TEX9: variants seen among roughly 807,000 people sequenced by gnomAD.
TEX9 encodes the protein testis expressed 9, also known as testis-expressed protein 9.
TEX9 carries 74 observed loss-of-function variants against 59.6 expected under a neutral mutation model. The ratio of observed to expected loss-of-function variants is 1.24; its 90% CI spans 1.03 to 1.51. The LOEUF (loss-of-function observed/expected upper bound fraction) is 1.51, where lower values mean the gene tolerates loss of function less well. Ranked by LOEUF, TEX9 falls within the 40% of genes most tolerant of loss-of-function variation. The pLI, the probability that TEX9 is intolerant of heterozygous loss-of-function variation, is 0.00. For synonymous variants in TEX9, 186 were observed against 152.2 expected, an observed-to-expected ratio of 1.22 and a Z score of -1.64; for missense variants, 522 against 447.8, an observed-to-expected ratio of 1.17 and a Z score of -1.49.
At chr15:56,392,859 T>G (rs576289798) in intron 7 of TEX9, among the ~76,000 whole-genome samples, 61 of 152,306 alleles carry the variant, frequency 4.0e-4, no homozygotes, top group Admixed American at 3.9e-3. Context: ...ATGGCCCTGT[T>G]AGAACTTTGC....
chr15:56,427,094 A>C (rs2050322792), intron 10 of TEX9, among the ~76,000 whole-genome samples: 1 of 152,098 alleles, frequency 6.6e-6, no homozygotes, highest in Non-Finnish European at 1.5e-5. Context: ...CTGACTCCTC[A>C]GTCCAATAAG....
At chr15:56,261,846 C>T (rs1307725374) in intron 1 of TEX9, among the ~76,000 whole-genome samples, 7 of 152,182 alleles carry the variant, frequency 4.6e-5, no homozygotes, top group Non-Finnish European at 7.3e-5. Context: ...CTGAGATAGC[C>T]GACCCAAGGA....
chr15:56,255,084 T>A (rs1198739918), intron 1 of TEX9, among the ~76,000 whole-genome samples: 1 of 152,100 alleles, frequency 6.6e-6, no homozygotes, highest in African/African-American at 2.4e-5. Context: ...AAAATTAAAA[T>A]CTAGATTAGA....
chr15:56,318,161 T>C (rs961107949), intron 1 of TEX9, among the ~76,000 whole-genome samples: 6 of 152,152 alleles, frequency 3.9e-5, no homozygotes, highest in Admixed American at 1.3e-4. Flanking sequence ...GCTCTGTTGT[T>C]AGGTGCATAT....
At chr15:56,453,800 T>C in the TEX9 span, among the ~76,000 whole-genome samples, 2 of 152,288 alleles carry the variant, frequency 1.3e-5, no homozygotes, top group East Asian at 3.9e-4. Context: ...CCAAAATCAA[T>C]TAACAGGAGT....
intron 1 of TEX9, among the ~76,000 whole-genome samples, chr15:56,310,528 G>T (rs183557416): frequency 1.7e-3 from 255 of 152,308 alleles, no homozygotes; most frequent in African/African-American, 5.9e-3. Flanking sequence ...GGGCTCAGAG[G>T]AGCCAAGTAG....
intron 12 of TEX9, chr15:56,444,396 T>C: frequency 2.0e-6 from 3 of 1,496,654 alleles, no homozygotes; most frequent in Non-Finnish European, 2.7e-6. Context: ...ACCTGTGATA[T>C]ATCTAAAGTA....
At chr15:56,423,876 C>A (rs1464291832) in intron 10 of TEX9, among the ~76,000 whole-genome samples, 1 of 152,138 alleles carries the variant, frequency 6.6e-6, no homozygotes, top group Admixed American at 6.5e-5. Flanking sequence ...ATCACCCGAG[C>A]AGTCTATACT....
At chr15:56,326,528 A>C (rs901748592) in intron 1 of TEX9, among the ~76,000 whole-genome samples, 1 of 152,184 alleles carries the variant, frequency 6.6e-6, no homozygotes, top group Non-Finnish European at 1.5e-5. Context: ...ACAGGTAACT[A>C]TCTTAGTTTG....
At chr15:56,380,770 CG>C (rs1325448903) in intron 3 of TEX9, among the ~76,000 whole-genome samples, 3 of 152,142 alleles carry the variant, frequency 2.0e-5, no homozygotes, top group African/African-American at 7.2e-5. Context: ...AAGGTTTCCA[CG>C]GAGAAGTCTG....
intron 12 of TEX9, chr15:56,444,485 C>G: frequency 6.2e-7 from 1 of 1,608,940 alleles, no homozygotes; most frequent in Non-Finnish European, 8.5e-7. Flanking sequence ...TTTCATCAAT[C>G]ATGAGTTTCT....
rs2044318819 is a variant in TEX9 at position 56,263,733 on chromosome 15, A to G, written c.-107+19455A>G. On this transcript the variant is annotated intron_variant, in intron 1 of 5. Coordinates refer to the TEX9 transcript ENST00000560827. The stretch of plus-strand genomic sequence containing the variant: ...CCCTTCCCCATATCCTCAGATCCTG[A>G]CAACTACTGACCTCTTTTCTATCCC... Among the ~76,000 whole-genome samples the G allele has an allele frequency of 1.3e-5, 2 of 152,210 alleles. 1 individual carries two copies. The highest frequency in any genetic ancestry group is 4.1e-4 in the South Asian group (2 of 4,832).
chr15:56,431,112 C>G (rs554176575), intron 12 of TEX9, among the ~76,000 whole-genome samples: 14 of 152,262 alleles, frequency 9.2e-5, no homozygotes, highest in African/African-American at 3.4e-4. Flanking sequence ...TGACATCTTG[C>G]CACTGCACTC....
chr15:56,346,940 A>T (rs1370698485), intron 1 of TEX9, among the ~76,000 whole-genome samples: 1 of 152,188 alleles, frequency 6.6e-6, no homozygotes, highest in Non-Finnish European at 1.5e-5. Context: ...AGCAATGAAC[A>T]CTTGGGCTCC....
intron 1 of TEX9, among the ~76,000 whole-genome samples, chr15:56,315,883 A>G (rs1212460952): frequency 2.0e-5 from 3 of 150,598 alleles, no homozygotes; most frequent in Non-Finnish European, 3.0e-5. Context: ...CTTCCCTTCT[A>G]GCTTCATTTT....
chr15:56,452,957 G>A, the TEX9 span, among the ~76,000 whole-genome samples: 1 of 152,128 alleles, frequency 6.6e-6, no homozygotes, highest in African/African-American at 2.4e-5. Flanking sequence ...ATAGCCTCAA[G>A]CCTGCTATGT....
At chr15:56,385,658 G>T (rs1372060686) in intron 4 of TEX9, among the ~76,000 whole-genome samples, 1 of 151,788 alleles carries the variant, frequency 6.6e-6, no homozygotes, top group Non-Finnish European at 1.5e-5. Flanking sequence ...AATTAAATAG[G>T]GAAGAAACCC....
intron 1 of TEX9, among the ~76,000 whole-genome samples, chr15:56,317,160 C>G (rs1024766417): frequency 6.6e-6 from 1 of 152,212 alleles, no homozygotes; most frequent in Non-Finnish European, 1.5e-5. Context: ...CCTATTTGGC[C>G]ATCTTGGCTC....
chr15:56,335,743 G>A (rs572380447), intron 1 of TEX9, among the ~76,000 whole-genome samples: 18 of 151,958 alleles, frequency 1.2e-4, no homozygotes, highest in Middle Eastern at 3.4e-3. Context: ...TATATGTATC[G>A]AAGTATCTCA....
Sources: allele counts gnomAD v4.1 joint callset (sites outside exome capture counted in the v4.1 genomes callset), GRCh38; gene constraint gnomAD v4.1.1; transcripts MANE v1.5; gene names NCBI Gene and HGNC (gene_info 2026-07-23, HGNC 2026-07-21).